Variants in ERC2 observed in about 807,000 individuals in gnomAD.
ERC2 encodes ERC protein 2.
Under a neutral mutation model 114.8 loss-of-function variants are expected in ERC2, and 42 were observed. The ratio of observed to expected loss-of-function variants is 0.37; its 90% CI spans 0.29 to 0.47. The LOEUF is 0.47. Ranked by LOEUF, ERC2 falls within the 20% of genes least tolerant of loss-of-function variation. The pLI, the probability that ERC2 is intolerant of heterozygous loss-of-function variation, is 0.99. For synonymous variants in ERC2, 454 were observed against 425.5 expected, an observed-to-expected ratio of 1.07 and a Z score of -0.82; for missense variants, 939 against 1,150.7, an observed-to-expected ratio of 0.82 and a Z score of 2.66.
chr3:55,682,681 A>G (rs2062116643), intron 17 of ERC2, among the ~76,000 whole-genome samples: 1 of 152,218 alleles, frequency 6.6e-6, no homozygotes, highest in African/African-American at 2.4e-5. Context: ...GAATTGTCCC[A>G]CACCTGTTGA....
At position 55,888,672 on chromosome 3, in the gene ERC2, G is replaced by A. The variant is rs147272829; in HGVS notation, c.2404-123C>T. ...ACAGGGATCCTTGAACTGGGCCGCT[G>A]TGTCTTGGAGCCCTTTCTTTCTTTG... On this transcript the variant is annotated intron_variant, in intron 13 of 17. Coordinates refer to ENST00000288221, the MANE Select transcript of ERC2 (RefSeq NM_015576.3). The A allele has an allele frequency of 1.4e-3, 1,581 of 1,134,828 alleles. 14 individuals carry two copies. In the African/African-American group the frequency reaches 0.022, roughly 16 times the overall value. The allele number at this position is 1,134,828 out of a possible 1,614,324, so 70.3% of individuals were successfully genotyped here.
chr3:55,844,154 C>G (rs1290610678), intron 14 of ERC2, among the ~76,000 whole-genome samples: 2 of 152,182 alleles, frequency 1.3e-5, no homozygotes, highest in African/African-American at 2.4e-5. Flanking sequence ...CTGTCTACCA[C>G]TACTGTTGAA....
At chr3:55,733,322 T>TAG (rs2065378411) in intron 15 of ERC2, among the ~76,000 whole-genome samples, 6 of 152,114 alleles carry the variant, frequency 3.9e-5, no homozygotes, top group African/African-American at 1.2e-4. Flanking sequence ...CATGCCACTC[T>TAG]GTGGAATGAC....
intron 2 of ERC2, among the ~76,000 whole-genome samples, chr3:56,406,834 A>G (rs2060747566): frequency 6.6e-6 from 1 of 152,266 alleles, no homozygotes; most frequent in Non-Finnish European, 1.5e-5. Flanking sequence ...AAGTTAGATT[A>G]ATTAGAAGTC....
intron 7 of ERC2, among the ~76,000 whole-genome samples, chr3:56,045,219 T>C (rs112522636): frequency 1.1e-3 from 170 of 152,350 alleles, no homozygotes; most frequent in African/African-American, 3.9e-3. Context: ...AGAGGGCGGT[T>C]AACATGCAAG....
intron 3 of ERC2, among the ~76,000 whole-genome samples, chr3:56,213,666 AG>A (rs1401629269): frequency 1.3e-5 from 2 of 152,196 alleles, no homozygotes; most frequent in Non-Finnish European, 2.9e-5. Flanking sequence ...GGAAGAGAGT[AG>A]TGGTTCTCCC....
intron 14 of ERC2, among the ~76,000 whole-genome samples, chr3:55,879,096 T>C (rs2062998580): frequency 2.7e-5 from 1 of 36,406 alleles, no homozygotes; most frequent in Non-Finnish European, 5.5e-5. Context: ...TTTCTTTTTC[T>C]TAATTTTTTT....
intron 7 of ERC2, among the ~76,000 whole-genome samples, chr3:56,047,881 T>C (rs553973362): frequency 6.4e-4 from 98 of 152,210 alleles, no homozygotes; most frequent in African/African-American, 2.3e-3. Context: ...CATGTTCACA[T>C]TCAGTCAGTT....
intron 12 of ERC2, among the ~76,000 whole-genome samples, chr3:55,971,385 A>T (rs1029604486): frequency 6.6e-6 from 1 of 151,864 alleles, no homozygotes; most frequent in African/African-American, 2.4e-5. Context: ...TAGTAATAAA[A>T]AATTAAATGC....
At chr3:55,548,301 T>C (rs747742610) in intron 17 of ERC2, among the ~76,000 whole-genome samples, 1 of 152,258 alleles carries the variant, frequency 6.6e-6, no homozygotes, top group Non-Finnish European at 1.5e-5. Context: ...CAACGATACA[T>C]TAATTTTTCT....
At chr3:56,186,597 T>A (rs1011521237) in intron 3 of ERC2, among the ~76,000 whole-genome samples, 4 of 152,182 alleles carry the variant, frequency 2.6e-5, no homozygotes, top group African/African-American at 9.7e-5. Context: ...AATGGTGTGA[T>A]CTCAGCTCAC....
Position 55,819,563 on chromosome 3 carries a change from T to C in ERC2, c.2564+68826A>G, listed in dbSNP as rs1024898890. 3.9e-5 allele frequency among the ~76,000 whole-genome samples: 6 copies of C among 152,320 alleles called. No homozygotes were observed. The South Asian group carries it at 8.3e-4, about 21-fold the overall frequency. ...CTAAAAATAAAGGAACTACACTATT[T>C]ATTTTGGCAGATTCCATAAAGATAT... On this transcript the variant is annotated intron_variant, in intron 14 of 17. Transcript: ENST00000288221.
At chr3:56,139,382 A>G in intron 6 of ERC2, 127 bp downstream of exon 6, 1 of 884,838 alleles carries the variant, frequency 1.1e-6, no homozygotes, top group Admixed American at 3.1e-5. Flanking sequence ...CCCAACAAAT[A>G]TGAATTTCAA....
intron 3 of ERC2, among the ~76,000 whole-genome samples, chr3:56,229,769 A>T (rs913526095): frequency 5.9e-5 from 9 of 151,450 alleles, no homozygotes; most frequent in Non-Finnish European, 1.3e-4. Context: ...AATTGAAAAC[A>T]TTCTAACTAG....
At chr3:55,541,093 T>G (rs914177404) in intron 17 of ERC2, among the ~76,000 whole-genome samples, 1 of 152,162 alleles carries the variant, frequency 6.6e-6, no homozygotes, top group African/African-American at 2.4e-5. Flanking sequence ...CAGGTCTTCC[T>G]CCTTAACAAA....
At position 56,467,731 on chromosome 3, in the gene ERC2, A is replaced by T. The variant is rs542989662; in HGVS notation, c.-141+517T>A. On this transcript the variant is annotated intron_variant, in intron 1 of 17. Coordinates refer to ENST00000288221, the MANE Select transcript of ERC2 (RefSeq NM_015576.3). ...TCATTTTCCCTGACACGGGTTTTTT[A>T]AAAAAAAATATGCTCCCCTCTGAAC... Among the ~76,000 whole-genome samples, 81 of 150,532 alleles carry T rather than the reference A, an allele frequency of 5.4e-4. 1 individual carries two copies. The highest frequency in any genetic ancestry group is 3.4e-3 in the Middle Eastern group (1 of 290).
At chr3:55,760,145 A>G (rs1179159851) in intron 14 of ERC2, among the ~76,000 whole-genome samples, 4 of 152,214 alleles carry the variant, frequency 2.6e-5, no homozygotes, top group Non-Finnish European at 5.9e-5. Context: ...ACAGAGTAAC[A>G]CATTGACATC....
At chr3:55,917,176 A>T (rs2065147859) in intron 13 of ERC2, among the ~76,000 whole-genome samples, 1 of 152,134 alleles carries the variant, frequency 6.6e-6, no homozygotes, top group Non-Finnish European at 1.5e-5. Context: ...TTTGAAATAA[A>T]ATGCTTTTCA....
chr3:55,544,395 C>T (rs1260775847), intron 17 of ERC2, among the ~76,000 whole-genome samples: 2 of 152,112 alleles, frequency 1.3e-5, no homozygotes, highest in South Asian at 4.1e-4. Flanking sequence ...GGCCTCCATT[C>T]CTTACCTCCC....
Sources: allele counts gnomAD v4.1 joint callset (sites outside exome capture counted in the v4.1 genomes callset), GRCh38; gene constraint gnomAD v4.1.1; transcripts MANE v1.5; gene names NCBI Gene and HGNC (gene_info 2026-07-23, HGNC 2026-07-21).